Variants in AFAP1L2 observed in about 807,000 individuals in gnomAD.
AFAP1L2 encodes the protein actin filament-associated protein 1-like 2.
Under a neutral mutation model 99.3 loss-of-function variants are expected in AFAP1L2, and 46 were observed. The ratio of observed to expected loss-of-function variants is 0.46; its 90% CI spans 0.37 to 0.59. The LOEUF (loss-of-function observed/expected upper bound fraction) is 0.59, where lower values mean the gene tolerates loss of function less well. Among genes scored for constraint, AFAP1L2 ranks in the 20% least tolerant of loss-of-function variants. The pLI, the probability that AFAP1L2 is intolerant of heterozygous loss-of-function variation, is 0.00. For synonymous variants in AFAP1L2, 397 were observed against 419.1 expected (o/e 0.95, Z 0.64); for missense variants, 959 against 1,034.9 (o/e 0.93, Z 1.01).
intron 10 of AFAP1L2, among the ~76,000 whole-genome samples, chr10:114,306,179 G>A (rs1403461508): frequency 7.5e-6 from 1 of 133,442 alleles, no homozygotes; most frequent in Admixed American, 7.5e-5. Flanking sequence ...CTGCAGGAGG[G>A]AGCGGGGCTG....
rs552894532 is a variant in AFAP1L2, at chr10:114,364,283, G to A, written c.17-23552C>T. On this transcript the variant is annotated intron_variant, in intron 1 of 18. Coordinates refer to ENST00000304129, the MANE Select transcript of AFAP1L2 (RefSeq NM_001001936.3). ...CCTGTATCCATGGCCCAGGACTGAC[G>A]CAACAATGTGCCACAGATTAAATGG... 9.1e-4 allele frequency among the ~76,000 whole-genome samples: 138 copies of A among 152,296 alleles called. 1 individual carries two copies. Among genetic ancestry groups the A allele is most frequent in the South Asian group, 1.9e-3 (9 of 4,822 alleles).
At chr10:114,326,089 C>T (rs1386966918) in intron 4 of AFAP1L2, 1 of 1,259,974 alleles carries the variant, frequency 7.9e-7, no homozygotes, top group Non-Finnish European at 1.0e-6. Flanking sequence ...TGCAGGAGCT[C>T]CCCATGGGTC....
the AFAP1L2 span, among the ~76,000 whole-genome samples, chr10:114,284,268 GT>G: frequency 6.6e-6 from 1 of 152,196 alleles, no homozygotes; most frequent in Admixed American, 6.5e-5. Context: ...GTTGGGGAGT[GT>G]TTTTTTAGTG....
intron 1 of AFAP1L2, among the ~76,000 whole-genome samples, chr10:114,347,975 T>C (rs2049857199): frequency 6.6e-6 from 1 of 152,192 alleles, no homozygotes; most frequent in African/African-American, 2.4e-5. Flanking sequence ...ACTTCCCTAT[T>C]TCCCCCTAGG....
chr10:114,355,059 A>G (rs1157582834), intron 1 of AFAP1L2, among the ~76,000 whole-genome samples: 2 of 152,178 alleles, frequency 1.3e-5, no homozygotes, highest in Non-Finnish European at 2.9e-5. Flanking sequence ...CAAGCACAAA[A>G]TCGACAGGAC....
intron 1 of AFAP1L2, among the ~76,000 whole-genome samples, chr10:114,351,193 A>G (rs1162613133): frequency 6.6e-6 from 1 of 152,164 alleles, no homozygotes; most frequent in Non-Finnish European, 1.5e-5. Context: ...CTTTTGGTGG[A>G]GGGGCTATGG....
At chr10:114,361,759 T>C (rs2052457784) in intron 1 of AFAP1L2, among the ~76,000 whole-genome samples, 1 of 152,182 alleles carries the variant, frequency 6.6e-6, no homozygotes, top group African/African-American at 2.4e-5. Context: ...ACCTAACATG[T>C]GTTAGACCCT....
intron 16 of AFAP1L2, 41 bp from the exon 17 acceptor site, chr10:114,297,454 A>G (rs1473416315): frequency 6.3e-7 from 1 of 1,589,396 alleles, no homozygotes. Flanking sequence ...ACAGCATCTC[A>G]GCCCAGGCCA....
chr10:114,385,165 A>G (rs1427346231), intron 1 of AFAP1L2, among the ~76,000 whole-genome samples: 1 of 152,170 alleles, frequency 6.6e-6, no homozygotes, highest in Non-Finnish European at 1.5e-5. Flanking sequence ...GAGGAACAGC[A>G]TGAACAAAGT....
intron 1 of AFAP1L2, among the ~76,000 whole-genome samples, chr10:114,385,483 A>C (rs958281511): frequency 1.3e-5 from 2 of 152,190 alleles, no homozygotes; most frequent in African/African-American, 4.8e-5. Context: ...ATCAAGCTAG[A>C]CCAGGCAGCA....
At chr10:114,394,223 C>T (rs2057453797) in intron 1 of AFAP1L2, among the ~76,000 whole-genome samples, 1 of 152,188 alleles carries the variant, frequency 6.6e-6, no homozygotes, top group Non-Finnish European at 1.5e-5. Flanking sequence ...TGCAGCAGGC[C>T]ATGAGAAGTG....
chr10:114,365,903 A>AT (rs138230111), intron 1 of AFAP1L2, among the ~76,000 whole-genome samples: 32,283 of 150,544 alleles, frequency 0.21, 3,601 homozygotes, highest in African/African-American at 0.25. Context: ...ATAATTTTTA[A>AT]TTTTTTTTTG....
chr10:114,358,912 T>C (rs1051275846), intron 1 of AFAP1L2, among the ~76,000 whole-genome samples: 3 of 58,706 alleles, frequency 5.1e-5, no homozygotes, highest in African/African-American at 7.4e-5. Flanking sequence ...CAAGACTCCA[T>C]CTCAAAATAA....
intron 1 of AFAP1L2, among the ~76,000 whole-genome samples, chr10:114,378,491 A>G (rs1391787640): frequency 1.3e-5 from 2 of 152,256 alleles, no homozygotes; most frequent in South Asian, 4.1e-4. Context: ...CTCAGAGGCC[A>G]AGAGATTTAG....
chr10:114,300,973 GAGGTCCTCAGCTCAGCAC>G (rs1348747582), intron 13 of AFAP1L2, among the ~76,000 whole-genome samples: 1 of 152,166 alleles, frequency 6.6e-6, no homozygotes, highest in East Asian at 1.9e-4. Flanking sequence ...TCATCTGCAG[GAGGTCCTCAGCTCAGCAC>G]AGGGTTCAGT....
chr10:114,301,786 A>C, intron 12 of AFAP1L2: 1 of 390,454 alleles, frequency 2.6e-6, no homozygotes, highest in Non-Finnish European at 4.7e-6. Flanking sequence ...CACAACAAAA[A>C]ACCCCTTCTC....
the AFAP1L2 span, chr10:114,289,253 G>T: frequency 1.2e-6 from 2 of 1,614,098 alleles, no homozygotes; most frequent in Non-Finnish European, 1.7e-6. Context: ...AGGGGTGCCC[G>T]GCCTGGTGTC....
At chr10:114,346,872 C>T (rs997359313) in intron 1 of AFAP1L2, among the ~76,000 whole-genome samples, 5 of 152,210 alleles carry the variant, frequency 3.3e-5, no homozygotes, top group Non-Finnish European at 7.3e-5. Context: ...TGAAGCTCTT[C>T]CTCCAGATGA....
At chr10:114,349,066 G>C (rs1245166287) in intron 1 of AFAP1L2, among the ~76,000 whole-genome samples, 1 of 152,010 alleles carries the variant, frequency 6.6e-6, no homozygotes, top group Non-Finnish European at 1.5e-5. Flanking sequence ...TTTTCCTTCT[G>C]GACAGTAAGA....
Sources: gnomAD v4.1 joint callset for allele counts (sites outside exome capture counted in the v4.1 genomes callset) on GRCh38, gnomAD v4.1.1 for gene constraint, MANE v1.5 for transcripts, NCBI Gene and HGNC (gene_info 2026-07-23, HGNC 2026-07-21) for gene names.